The following MAP3K13 variants were observed in gnomAD, a reference collection of about 807,000 sequenced individuals.
The protein encoded by MAP3K13 is leucine zipper-bearing kinase.
MAP3K13 carries 52 observed loss-of-function variants against 104.0 expected under a neutral mutation model. That is an observed-to-expected ratio of 0.50 (90% CI 0.40 to 0.63). The LOEUF (loss-of-function observed/expected upper bound fraction) is 0.63. Ranked by LOEUF, MAP3K13 falls within the 20% of genes least tolerant of loss-of-function variation. The pLI is 0.00. For synonymous variants in MAP3K13, 394 were observed against 442.2 expected (o/e 0.89, Z 1.37); for missense variants, 914 against 1,218.5 (o/e 0.75, Z 3.72).
intron 12 of MAP3K13, among the ~76,000 whole-genome samples, chr3:185,478,678 C>G (rs540462006): frequency 6.6e-6 from 1 of 151,958 alleles, no homozygotes; most frequent in African/African-American, 2.4e-5. Context: ...TCAAGACCAT[C>G]CTGGCCAACA....
In MAP3K13 at chr3:185,447,778, TC is replaced by T. The variant is rs769475763; in HGVS notation, c.852-10del. On this transcript the variant is annotated splice_polypyrimidine_tract_variant and intron_variant, in intron 4 of 13. Transcript: ENST00000265026. ...ATGATCCAGATGTTTTCTTTTTATT[TC>T]TTTTTAAAGTGTTTTAGTGACCCAC... The T allele has an allele frequency of 6.3e-7, 1 of 1,584,720 alleles. No individual in the cohort carries two copies. Among genetic ancestry groups the T allele is most frequent in the Non-Finnish European group, 8.6e-7 (1 of 1,168,146 alleles).
At chr3:185,390,322 C>A (rs936698382) in intron 1 of MAP3K13, among the ~76,000 whole-genome samples, 2 of 152,076 alleles carry the variant, frequency 1.3e-5, no homozygotes, top group Non-Finnish European at 1.5e-5. Context: ...CAGTTGAAAC[C>A]AAAGCACAAA....
chr3:185,451,265 AAACT>A lies in MAP3K13; in HGVS notation c.1170-21_1170-18del. 1 of 1,546,720 alleles carries A rather than the reference AAACT, an allele frequency of 6.5e-7. No individual in the cohort carries two copies. The highest frequency in any genetic ancestry group is 8.9e-7 in the Non-Finnish European group (1 of 1,128,370). On this transcript the variant is annotated intron_variant, in intron 6 of 13. Transcript: ENST00000265026. The stretch of plus-strand genomic sequence containing the variant: ...CCTGGATACAACTTCTGAAATGCAC[AAACT>A]GTCTTTTTCACTTTTAGGCAGAGTA...
intron 2 of MAP3K13, among the ~76,000 whole-genome samples, chr3:185,298,555 A>G (rs755673906): frequency 1.3e-5 from 2 of 152,206 alleles, no homozygotes; most frequent in Non-Finnish European, 2.9e-5. Flanking sequence ...TTTACTTTAC[A>G]TATTTTATTT....
At chr3:185,402,539 G>T (rs1433781269) in intron 1 of MAP3K13, among the ~76,000 whole-genome samples, 1 of 152,064 alleles carries the variant, frequency 6.6e-6, no homozygotes, top group Non-Finnish European at 1.5e-5. Context: ...AAATCATAAT[G>T]TTCTCGCCTT....
chr3:185,351,840 A>G (rs1723149820), intron 2 of MAP3K13, among the ~76,000 whole-genome samples: 1 of 152,226 alleles, frequency 6.6e-6, no homozygotes, highest in Admixed American at 6.5e-5. Context: ...GCAACCCTAA[A>G]GCAGGCAGGT....
intron 2 of MAP3K13, among the ~76,000 whole-genome samples, chr3:185,343,735 G>A (rs1471392691): frequency 6.6e-6 from 1 of 152,212 alleles, no homozygotes; most frequent in African/African-American, 2.4e-5. Context: ...ACAGGTGTAA[G>A]CCACTGCGCC....
intron 7 of MAP3K13, among the ~76,000 whole-genome samples, chr3:185,455,967 G>A (rs920744959): frequency 7.0e-6 from 1 of 142,678 alleles, no homozygotes; most frequent in African/African-American, 2.6e-5. Context: ...TATATGATAT[G>A]TATGAGATAT....
At chr3:185,425,987 T>C (rs1714389242) in intron 1 of MAP3K13, among the ~76,000 whole-genome samples, 1 of 152,204 alleles carries the variant, frequency 6.6e-6, no homozygotes, top group Admixed American at 6.5e-5. Flanking sequence ...TACTAATGCC[T>C]AACACACTGC....
chr3:185,371,602 G>C (rs1724166090), intron 1 of MAP3K13, among the ~76,000 whole-genome samples: 1 of 152,212 alleles, frequency 6.6e-6, no homozygotes, highest in Non-Finnish European at 1.5e-5. Context: ...AAAGGCCAGA[G>C]AAGTGAAAGA....
intron 1 of MAP3K13, among the ~76,000 whole-genome samples, chr3:185,387,920 G>GA (rs2108765126): frequency 6.6e-6 from 1 of 152,190 alleles, no homozygotes; most frequent in South Asian, 2.1e-4. Context: ...AAATCCTAAA[G>GA]ACTTCACTAA....
In MAP3K13 at chr3:185,449,981, T is replaced by C; in HGVS notation, c.1092T>C (p.Gly364=). Residue 364 remains glycine (G), a synonymous_variant, in exon 6 of 14, where the codon GGT becomes GGC. Transcript: ENST00000265026. ...TAGATTCTTCAGCCATTATCTGGGGTGTTGGAAGCAACAGCCTCCACCTTC... is the reference window on the plus strand; with the variant it reads ...TAGATTCTTCAGCCATTATCTGGGGCGTTGGAAGCAACAGCCTCCACCTTC... ...KDVDSSAIIW[G]VGSNSLHLPV... 1 of 1,613,756 alleles carries C rather than the reference T, an allele frequency of 6.2e-7. No individual in the cohort carries two copies. The highest frequency in any genetic ancestry group is 8.5e-7 in the Non-Finnish European group (1 of 1,179,848).
chr3:185,326,655 G>A (rs1230668979), intron 2 of MAP3K13, among the ~76,000 whole-genome samples: 6 of 152,020 alleles, frequency 3.9e-5, no homozygotes, highest in African/African-American at 1.5e-4. Flanking sequence ...CAGCAAGTAA[G>A]GGATAGAACC....
intron 2 of MAP3K13, chr3:185,291,572 A>T (rs1720739939): frequency 2.5e-5 from 37 of 1,492,734 alleles, no homozygotes; most frequent in Non-Finnish European, 3.3e-5. Flanking sequence ...AAATTATTAG[A>T]CTTGTAGTAG....
At chr3:185,284,478 G>A (rs530010368) in intron 1 of MAP3K13, among the ~76,000 whole-genome samples, 1 of 152,292 alleles carries the variant, frequency 6.6e-6, no homozygotes, top group African/African-American at 2.4e-5. Flanking sequence ...CACTTTGCGA[G>A]GCCAAGGTGG....
chr3:185,401,240 T>C (rs1712796150), intron 1 of MAP3K13, among the ~76,000 whole-genome samples: 2 of 152,216 alleles, frequency 1.3e-5, no homozygotes, highest in Admixed American at 1.3e-4. Flanking sequence ...TTGAGGACTT[T>C]ATTTGCCCAG....
At chr3:185,340,677 C>T (rs1428462168) in intron 2 of MAP3K13, among the ~76,000 whole-genome samples, 1 of 152,068 alleles carries the variant, frequency 6.6e-6, no homozygotes, top group East Asian at 1.9e-4. Context: ...AGGGCGGGAC[C>T]AGGTGGAGGT....
intron 1 of MAP3K13, among the ~76,000 whole-genome samples, chr3:185,425,614 G>T (rs1714365996): frequency 6.6e-6 from 1 of 152,094 alleles, no homozygotes; most frequent in South Asian, 2.1e-4. Context: ...TTACTCCCTT[G>T]CTTAAAATTC....
At chr3:185,387,207 G>T (rs191523240) in intron 1 of MAP3K13, among the ~76,000 whole-genome samples, 37 of 152,262 alleles carry the variant, frequency 2.4e-4, no homozygotes, top group Admixed American at 4.6e-4. Context: ...CAGTGTTGGA[G>T]GTGGGGCCTA....
Sources: allele counts gnomAD v4.1 joint callset (sites outside exome capture counted in the v4.1 genomes callset), GRCh38; gene constraint gnomAD v4.1.1; transcripts MANE v1.5; gene names NCBI Gene and HGNC (gene_info 2026-07-23, HGNC 2026-07-21).